The following KCNQ5 variants were observed in gnomAD, a reference collection of about 807,000 sequenced individuals.
KCNQ5 encodes the protein potassium voltage-gated channel subfamily Q member 5, also known as potassium voltage-gated channel subfamily KQT member 5.
In KCNQ5, 30 loss-of-function variants were observed where a neutral mutation model predicts 98.2. The observed-to-expected ratio is 0.31, with a 90% confidence interval of 0.23 to 0.41. KCNQ5 has a LOEUF of 0.41. KCNQ5 is among the 10% of genes least tolerant of loss of function. The probability of loss-of-function intolerance (pLI) is 1.00; values close to 1 mark genes in which losing one functional copy is unlikely to be tolerated. For synonymous variants in KCNQ5, 458 were observed against 449.4 expected (o/e 1.02, Z -0.24); for missense variants, 835 against 1,182.5 (o/e 0.71, Z 4.31).
chr6:72,671,923 T>G lies in KCNQ5; in HGVS notation c.398+49336T>G, dbSNP rs2154473382. Among the ~76,000 whole-genome samples the G allele has an allele frequency of 1.3e-5, 2 of 151,518 alleles. 1 individual carries two copies. The highest frequency in any genetic ancestry group is 4.2e-4 in the South Asian group (2 of 4,780). On this transcript the variant is annotated intron_variant, in intron 1 of 13. Coordinates refer to ENST00000370398, the MANE Select transcript of KCNQ5 (RefSeq NM_019842.4). ...GCTCCACCTCCCAGGTTCACACCAT[T>G]CTCCTGCCTCAGCCTCCCAAGTAGC... is the stretch of plus-strand genomic sequence containing the variant.
chr6:72,679,287 G>A (rs888522467), intron 1 of KCNQ5, among the ~76,000 whole-genome samples: 10 of 151,868 alleles, frequency 6.6e-5, no homozygotes, highest in Admixed American at 5.2e-4. Flanking sequence ...TGTTTATTGC[G>A]ACACTATTCA....
At chr6:72,835,737 C>T (rs140305745) in intron 1 of KCNQ5, among the ~76,000 whole-genome samples, 177 of 152,212 alleles carry the variant, frequency 1.2e-3, no homozygotes, top group Non-Finnish European at 2.0e-3. Flanking sequence ...TCCAGTAAAA[C>T]CTGAAAGTGG....
chr6:73,171,172 A>G (rs944255455), intron 11 of KCNQ5, among the ~76,000 whole-genome samples: 1 of 152,214 alleles, frequency 6.6e-6, no homozygotes, highest in Admixed American at 6.5e-5. Flanking sequence ...ATGAAACTCC[A>G]GAAGATGTTT....
chr6:72,973,104 C>T (rs185240724), intron 1 of KCNQ5, among the ~76,000 whole-genome samples: 42 of 152,320 alleles, frequency 2.8e-4, no homozygotes, highest in Admixed American at 1.0e-3. Context: ...GCCACATTCA[C>T]TGATGTCCCA....
intron 1 of KCNQ5, among the ~76,000 whole-genome samples, chr6:72,845,946 G>A (rs555132543): frequency 6.6e-6 from 1 of 152,226 alleles, no homozygotes; most frequent in Admixed American, 6.5e-5. Flanking sequence ...CACTGCTAAT[G>A]TTATAGCCAT....
chr6:73,181,763 G>T (rs1778411624), intron 11 of KCNQ5, among the ~76,000 whole-genome samples: 1 of 152,216 alleles, frequency 6.6e-6, no homozygotes, highest in African/African-American at 2.4e-5. Flanking sequence ...AGAGCTCAAA[G>T]CTGGAGCCAA....
chr6:72,980,384 G>C (rs186270859), intron 1 of KCNQ5, among the ~76,000 whole-genome samples: 62 of 152,204 alleles, frequency 4.1e-4, no homozygotes, highest in African/African-American at 1.3e-3. Flanking sequence ...CCTTGAAAAG[G>C]TCCTTCACAT....
intron 1 of KCNQ5, among the ~76,000 whole-genome samples, chr6:72,849,046 C>A (rs1332348180): frequency 1.3e-5 from 2 of 151,930 alleles, no homozygotes; most frequent in Non-Finnish European, 2.9e-5. Flanking sequence ...CACTTAATAG[C>A]CTCCAGTTCC....
chr6:72,800,989 G>C (rs924399882), intron 1 of KCNQ5, among the ~76,000 whole-genome samples: 1 of 152,012 alleles, frequency 6.6e-6, no homozygotes, highest in Non-Finnish European at 1.5e-5. Context: ...TGGTCTGAGA[G>C]ACAGTTTGTT....
chr6:73,064,997 G>A (rs984898512), intron 3 of KCNQ5, among the ~76,000 whole-genome samples: 2 of 149,266 alleles, frequency 1.3e-5, no homozygotes, highest in South Asian at 2.1e-4. Context: ...ACACTTTGAA[G>A]CAATTTGTTT....
chr6:72,808,411 AAGG>A (rs1172141355), intron 1 of KCNQ5, among the ~76,000 whole-genome samples: 1 of 152,176 alleles, frequency 6.6e-6, no homozygotes, highest in African/African-American at 2.4e-5. Context: ...ACCGGAATAC[AAGG>A]AGTTGTTCTG....
At chr6:73,169,649 T>C in intron 10 of KCNQ5, 97 bp from the exon 11 acceptor site, 1 of 836,040 alleles carries the variant, frequency 1.2e-6, no homozygotes, top group African/African-American at 1.7e-5. Context: ...ATCAGCTTAC[T>C]CTGTGAGTAT....
chr6:72,705,056 C>T (rs2154474799), intron 1 of KCNQ5, among the ~76,000 whole-genome samples: 1 of 152,220 alleles, frequency 6.6e-6, no homozygotes, highest in East Asian at 1.9e-4. Context: ...TTCTTTTCTG[C>T]CTCTCTGCCT....
At chr6:72,829,449 T>TTCTC (rs10647361) in intron 1 of KCNQ5, among the ~76,000 whole-genome samples, 78,688 of 151,262 alleles carry the variant, frequency 0.52, 21,347 homozygotes, top group African/African-American at 0.68. Flanking sequence ...TCCTCTTCTC[T>TTCTC]TCTCTCTCTC....
chr6:72,916,237 T>C (rs900193358), intron 1 of KCNQ5, among the ~76,000 whole-genome samples: 1 of 152,214 alleles, frequency 6.6e-6, no homozygotes. Flanking sequence ...TATACAGGTT[T>C]AGTAATAGGT....
intron 2 of KCNQ5, among the ~76,000 whole-genome samples, chr6:73,026,016 C>T (rs554974506): frequency 1.3e-5 from 2 of 152,318 alleles, no homozygotes; most frequent in Admixed American, 1.3e-4. Context: ...CTTAGATTCT[C>T]ATTCCTATTC....
intron 3 of KCNQ5, among the ~76,000 whole-genome samples, chr6:73,068,124 C>T (rs1773147867): frequency 6.6e-6 from 1 of 151,942 alleles, no homozygotes; most frequent in South Asian, 2.1e-4. Flanking sequence ...GGTGAAACAT[C>T]GTCTCTACTA....
intron 1 of KCNQ5, among the ~76,000 whole-genome samples, chr6:72,623,391 AGT>A (rs1214797915): frequency 0.014 from 2,018 of 143,088 alleles, 52 homozygotes; most frequent in African/African-American, 0.046. Flanking sequence ...GGAGTCAAAG[AGT>A]GTGTGTGTGT....
chr6:72,627,690 C>G (rs921479371), intron 1 of KCNQ5, among the ~76,000 whole-genome samples: 1 of 152,116 alleles, frequency 6.6e-6, no homozygotes, highest in African/African-American at 2.4e-5. Context: ...AGAGTTCACA[C>G]AAGACCCTCA....
Sources: allele counts gnomAD v4.1 joint callset (sites outside exome capture counted in the v4.1 genomes callset), GRCh38; gene constraint gnomAD v4.1.1; transcripts MANE v1.5; gene names NCBI Gene and HGNC (gene_info 2026-07-23, HGNC 2026-07-21).